The following PDGFB variants were observed in gnomAD, a reference collection of about 807,000 sequenced individuals.
PDGFB encodes platelet derived growth factor subunit B, also known as platelet-derived growth factor subunit B.
In PDGFB, 6 loss-of-function variants were observed where a neutral mutation model predicts 29.0. That is an observed-to-expected ratio of 0.21 (90% CI 0.11 to 0.41). PDGFB has a LOEUF of 0.41. Among genes scored for constraint, PDGFB ranks in the 10% least tolerant of loss-of-function variants. The pLI, the probability that PDGFB is intolerant of heterozygous loss-of-function variation, is 1.00. For synonymous variants in PDGFB, 144 were observed against 140.8 expected, an observed-to-expected ratio of 1.02 and a Z score of -0.16; for missense variants, 299 against 341.8, an observed-to-expected ratio of 0.87 and a Z score of 0.99.
chr22:39,228,905 T>TATATAG, intron 5 of PDGFB, among the ~76,000 whole-genome samples: 1 of 138,524 alleles, frequency 7.2e-6, no homozygotes, highest in Non-Finnish European at 1.6e-5. Flanking sequence ...TATATATATA[T>TATATAG]ATAGATATAT....
chr22:39,232,075 G>A (rs983382202), intron 3 of PDGFB, among the ~76,000 whole-genome samples: 1 of 152,254 alleles, frequency 6.6e-6, no homozygotes, highest in African/African-American at 2.4e-5. Flanking sequence ...GTAGTTTCAA[G>A]TGAGAAAATT....
At chr22:39,233,976 C>A (rs1413121027) in intron 2 of PDGFB, among the ~76,000 whole-genome samples, 5 of 133,620 alleles carry the variant, frequency 3.7e-5, no homozygotes, top group Non-Finnish European at 4.6e-5. Flanking sequence ...CCCTCTGGAG[C>A]CCCGGACAAT....
At chr22:39,225,972 G>T in intron 5 of PDGFB, 125 bp from the exon 6 acceptor site, 2 of 1,164,466 alleles carry the variant, frequency 1.7e-6, no homozygotes, top group Non-Finnish European at 2.4e-6. Context: ...CTGGACCAGG[G>T]TCCTGGGTTT....
At chr22:39,225,938 T>C in intron 5 of PDGFB, 91 bp from the exon 6 acceptor site, 1 of 1,444,692 alleles carries the variant, frequency 6.9e-7, no homozygotes, top group East Asian at 2.4e-5. Context: ...CCTTCTGGGC[T>C]CAGGAAAGGG....
At chr22:39,234,948 C>G (rs1307828593) in intron 2 of PDGFB, among the ~76,000 whole-genome samples, 1 of 152,068 alleles carries the variant, frequency 6.6e-6, no homozygotes, top group African/African-American at 2.4e-5. Context: ...TGGGAGACAT[C>G]GGGTGGGGGC....
intron 5 of PDGFB, 66 bp from the exon 6 acceptor site, chr22:39,225,913 A>C: frequency 6.5e-7 from 1 of 1,541,526 alleles, no homozygotes; most frequent in South Asian, 1.2e-5. Context: ...CCCACTGACC[A>C]AGGCCTGCCA....
chr22:39,230,309 A>T, intron 4 of PDGFB, 81 bp from the exon 5 acceptor site: 2 of 1,416,248 alleles, frequency 1.4e-6, no homozygotes, highest in Non-Finnish European at 2.0e-6. Context: ...TGCGCTTCCC[A>T]CCCCGGTGTC....
At chr22:39,240,392 A>G (rs1932539146) in intron 1 of PDGFB, among the ~76,000 whole-genome samples, 1 of 152,052 alleles carries the variant, frequency 6.6e-6, no homozygotes, top group Admixed American at 6.6e-5. Context: ...AGCTAAAGAT[A>G]CACAGAACCT....
At chr22:39,238,291 C>A (rs546124153) in intron 1 of PDGFB, among the ~76,000 whole-genome samples, 123 of 152,248 alleles carry the variant, frequency 8.1e-4, no homozygotes, top group African/African-American at 2.7e-3. Flanking sequence ...GATTCTTCTG[C>A]CTCCTCCACC....
Position 39,231,847 on chromosome 22 carries a change from G to C in PDGFB, c.251-20C>G, listed in dbSNP as rs367668148. 1 of 1,606,546 alleles carries C rather than the reference G, an allele frequency of 6.2e-7. No individual in the cohort carries two copies. Among genetic ancestry groups the C allele is most frequent in the Admixed American group, 1.7e-5 (1 of 59,700 alleles). On this transcript the variant is annotated intron_variant, in intron 3 of 6. Coordinates refer to ENST00000331163, the MANE Select transcript of PDGFB (RefSeq NM_002608.4). This position sits in a 1 kb window ranked among gnomAD's most constrained non-coding sequence, Gnocchi z 4.3. ...GGGAACCTGGGAGGAGACGAAACCTGGGTCAGGAGCGTAGGCCTGTCCAGA... is the reference window on the plus strand; with the variant it reads ...GGGAACCTGGGAGGAGACGAAACCTCGGTCAGGAGCGTAGGCCTGTCCAGA...
intron 1 of PDGFB, among the ~76,000 whole-genome samples, chr22:39,238,754 G>A (rs188800440): frequency 1.3e-5 from 2 of 152,222 alleles, no homozygotes; most frequent in African/African-American, 4.8e-5. Context: ...GTTCGTGTTG[G>A]CTCTTTACTC....
Position 39,243,228 on chromosome 22 carries a change from CTCTCTCTCTCCG to C in PDGFB, c.63+661_63+672del, listed in dbSNP as rs910505653. ...TACCTGCGTCTCTATCTTTCTCTCC[CTCTCTCTCTCCG>C]TCTCTCTCTCCGTCTCTCTCTCTCT... is the stretch of plus-strand genomic sequence containing the variant. On this transcript the variant is annotated intron_variant, in intron 1 of 6. Transcript: ENST00000331163. The surrounding 1 kb of genome is among the most constrained non-coding windows in gnomAD (Gnocchi z 6.4). Among the ~76,000 whole-genome samples the C allele has an allele frequency of 1.5e-4, 22 of 150,904 alleles. No homozygotes were observed. Among genetic ancestry groups the C allele is most frequent in the Non-Finnish European group, 2.1e-4 (14 of 67,694 alleles).
At chr22:39,228,885 T>TAAAAA (rs1932229210) in intron 5 of PDGFB, among the ~76,000 whole-genome samples, 1 of 75,910 alleles carries the variant, frequency 1.3e-5, no homozygotes. Flanking sequence ...TGAGACTGCC[T>TAAAAA]CAAAAAAAAT....
chr22:39,236,678 T>C (rs1932450745), intron 1 of PDGFB, among the ~76,000 whole-genome samples: 2 of 151,882 alleles, frequency 1.3e-5, no homozygotes, highest in Non-Finnish European at 1.5e-5. Flanking sequence ...CGTAGGAAGG[T>C]CACAGCCACG....
chr22:39,233,436 C>T lies in PDGFB; in HGVS notation c.249G>A (p.Leu83=). The T allele has an allele frequency of 1.3e-6, 2 of 1,594,980 alleles. No homozygotes were observed. The highest frequency in any genetic ancestry group is 1.7e-6 in the Non-Finnish European group (2 of 1,170,836). Residue 83 remains leucine (L), a splice_region_variant and synonymous_variant, in exon 3 of 7, where the codon CTG becomes CTA. Coordinates refer to ENST00000331163, the MANE Select transcript of PDGFB (RefSeq NM_002608.4). ...CCTTGTTGGGTGTCTCAGTCTTACC[C>T]AGGCTCCTTCTTCCACGAGCCAAGC... ...LESLARGRRS[L]GSLTIAEPAM...
In PDGFB at chr22:39,243,879, C is replaced by A; in HGVS notation, c.63+22G>T. 6.3e-7 allele frequency: 1 copy of A among 1,591,012 alleles called. No individual in the cohort carries two copies. Among genetic ancestry groups the A allele is most frequent in the Middle Eastern group, 1.7e-4 (1 of 5,986 alleles). On this transcript the variant is annotated intron_variant, in intron 1 of 6. Coordinates refer to ENST00000331163, the MANE Select transcript of PDGFB (RefSeq NM_002608.4). The surrounding 1 kb of genome is among the most constrained non-coding windows in gnomAD (Gnocchi z 6.4). Reference sequence around the variant, plus strand: ...CGAAGGTAATGAATGAAGAACCAGCCCCAGCCGCCGTGGCAACTCACCTCG... The same window carrying A: ...CGAAGGTAATGAATGAAGAACCAGCACCAGCCGCCGTGGCAACTCACCTCG...
chr22:39,234,227 C>T (rs1300734679), intron 2 of PDGFB, among the ~76,000 whole-genome samples: 6 of 152,200 alleles, frequency 3.9e-5, no homozygotes, highest in South Asian at 2.1e-4. Context: ...TGCCCCCAGC[C>T]GTCTGTTGAT....
intron 5 of PDGFB, among the ~76,000 whole-genome samples, chr22:39,227,456 A>G (rs1245062085): frequency 1.3e-5 from 2 of 152,268 alleles, no homozygotes; most frequent in Non-Finnish European, 2.9e-5. Flanking sequence ...AGGAGACAAT[A>G]CATGGAAATG....
rs1932120457 is a variant in PDGFB at position 39,224,627 on chromosome 22, A to T, written c.*715T>A. On this transcript the variant is annotated 3_prime_UTR_variant, in exon 7 of 7. Coordinates refer to ENST00000331163, the MANE Select transcript of PDGFB (RefSeq NM_002608.4). ...GGGTGGCAGGAGGCAGGGGATACCCAGGTCACCATCTACAGCCACCTCAAC... is the reference window on the plus strand; with the variant it reads ...GGGTGGCAGGAGGCAGGGGATACCCTGGTCACCATCTACAGCCACCTCAAC... 6.6e-6 allele frequency: 1 copy of T among 152,484 alleles called. No homozygotes were observed. Among genetic ancestry groups the T allele is most frequent in the African/African-American group, 2.4e-5 (1 of 41,386 alleles). The allele number at this position is 152,484 out of a possible 1,614,324, so 9.4% of individuals were successfully genotyped here. A position where few individuals can be genotyped will look rare whatever the true frequency, so the allele number is the denominator to read the frequency against.
Sources: allele counts gnomAD v4.1 joint callset (sites outside exome capture counted in the v4.1 genomes callset), GRCh38; gene constraint gnomAD v4.1.1; non-coding constraint Gnocchi (gnomAD v3.1); transcripts MANE v1.5; gene names NCBI Gene and HGNC (gene_info 2026-07-23, HGNC 2026-07-21).